The following VAV1 variants were observed in gnomAD, a reference collection of about 807,000 sequenced individuals.
VAV1 encodes vav guanine nucleotide exchange factor 1, also known as proto-oncogene vav.
Under a neutral mutation model 128.1 loss-of-function variants are expected in VAV1, and 33 were observed. The ratio of observed to expected loss-of-function variants is 0.26; its 90% confidence interval spans 0.20 to 0.34. VAV1 has a LOEUF of 0.34. Among genes scored for constraint, VAV1 ranks in the 10% least tolerant of loss-of-function variants. The pLI is 1.00. For synonymous variants in VAV1, 394 were observed against 409.8 expected (o/e 0.96, Z 0.47); for missense variants, 715 against 1,093.7 (o/e 0.65, Z 4.88).
intron 1 of VAV1, among the ~76,000 whole-genome samples, chr19:6,799,148 T>C (rs1971206821): frequency 1.3e-5 from 2 of 152,026 alleles, no homozygotes; most frequent in African/African-American, 4.8e-5. Context: ...ATTCATCCCT[T>C]GATGGAGGTT....
chr19:6,852,715 C>T (rs1429731616), intron 24 of VAV1, among the ~76,000 whole-genome samples: 5 of 144,304 alleles, frequency 3.5e-5, no homozygotes, highest in South Asian at 2.1e-4. Flanking sequence ...AGCCAGACTC[C>T]GTCTCAAAGA....
At position 6,782,766 on chromosome 19, in the gene VAV1, C is replaced by T. The variant is rs111606518; in HGVS notation, c.204+9755C>T. Reference sequence around the variant, plus strand: ...GCATGGTGGTGTGTGCCTATGGTCCCGGCTACCTAGGACGCTGAGGCAGGA... The same window carrying T: ...GCATGGTGGTGTGTGCCTATGGTCCTGGCTACCTAGGACGCTGAGGCAGGA... On this transcript the variant is annotated intron_variant, in intron 1 of 26. Coordinates refer to ENST00000602142, the MANE Select transcript of VAV1 (RefSeq NM_005428.4). Among the ~76,000 whole-genome samples the T allele has an allele frequency of 2.5e-4, 38 of 152,022 alleles. 1 individual carries two copies. The highest frequency in any genetic ancestry group is 8.4e-4 in the African/African-American group (35 of 41,476).
At chr19:6,787,230 C>T (rs1422449571) in intron 1 of VAV1, among the ~76,000 whole-genome samples, 1 of 152,232 alleles carries the variant, frequency 6.6e-6, no homozygotes, top group African/African-American at 2.4e-5. Context: ...GGCTGGAGTG[C>T]AGTGGTGCGA....
chr19:6,838,892 C>CTTTATTTATTTA (rs147546726), intron 21 of VAV1, among the ~76,000 whole-genome samples: 12,937 of 150,032 alleles, frequency 0.086, 1,837 homozygotes, highest in African/African-American at 0.3. Context: ...TTATGCTCAG[C>CTTTATTTATTTA]TTTATTTATT....
rs76085415 is a variant in VAV1 at position 6,810,887 on chromosome 19, T to C, written c.205-9815T>C. On this transcript the variant is annotated intron_variant, in intron 1 of 26. Coordinates refer to ENST00000602142, the MANE Select transcript of VAV1 (RefSeq NM_005428.4). ...GGACCTGTTAAGTTTGAGGTGCCCA[T>C]TGTTGAAAGAATGAACCTGTTTCCC... 8.1e-4 allele frequency among the ~76,000 whole-genome samples: 123 copies of C among 152,222 alleles called. 2 individuals carry two copies. In the East Asian group the frequency reaches 0.023, roughly 28 times the overall value.
In VAV1 at chr19:6,772,716, C is replaced by A; in HGVS notation, c.-92C>A. The A allele has an allele frequency of 7.3e-7, 1 of 1,366,314 alleles. No homozygotes were observed. Among genetic ancestry groups the A allele is most frequent in the Non-Finnish European group, 1.0e-6 (1 of 1,001,930 alleles). The allele number at this position is 1,366,314 out of a possible 1,614,324, so 84.6% of individuals were successfully genotyped here. A position where few individuals can be genotyped will look rare whatever the true frequency, so the allele number is the denominator to read the frequency against. On this transcript the variant is annotated 5_prime_UTR_variant, in exon 1 of 27. The change creates a new upstream start codon in the 5' untranslated region. Coordinates refer to ENST00000602142, the MANE Select transcript of VAV1 (RefSeq NM_005428.4). The surrounding 1 kb of genome is among the most constrained non-coding windows in gnomAD (Gnocchi z 4.8). The stretch of plus-strand genomic sequence containing the variant: ...AAAGAAGAGGAAGTGGTAGCACTAG[C>A]TGTCGCTCCACAGGCGAGCAGGGCA...
chr19:6,788,566 G>T (rs770576980), intron 1 of VAV1, among the ~76,000 whole-genome samples: 1 of 151,850 alleles, frequency 6.6e-6, no homozygotes, highest in Non-Finnish European at 1.5e-5. Context: ...TAGTAGAGAC[G>T]GGGTTTCACC....
chr19:6,793,434 G>T (rs72998343), intron 1 of VAV1, among the ~76,000 whole-genome samples: 2,910 of 152,220 alleles, frequency 0.019, 48 homozygotes, highest in Non-Finnish European at 0.029. Flanking sequence ...AATCCTGTTT[G>T]TTGGTAAAGG....
chr19:6,788,940 C>T (rs1452638486), intron 1 of VAV1, among the ~76,000 whole-genome samples: 1 of 152,206 alleles, frequency 6.6e-6, no homozygotes, highest in Non-Finnish European at 1.5e-5. Context: ...ATTCTCAGTC[C>T]TGTTGACATG....
chr19:6,793,333 C>CA (rs201027298), intron 1 of VAV1, among the ~76,000 whole-genome samples: 3,730 of 147,764 alleles, frequency 0.025, 50 homozygotes, highest in South Asian at 0.059. Flanking sequence ...GACTCCATCT[C>CA]AAAAAGAAAG....
intron 22 of VAV1, among the ~76,000 whole-genome samples, chr19:6,847,598 C>T (rs1300925638): frequency 6.6e-6 from 1 of 152,096 alleles, no homozygotes; most frequent in Non-Finnish European, 1.5e-5. Context: ...TTTTTTGGCT[C>T]TCACTTACAT....
chr19:6,825,630 T>C (rs1460313923), intron 8 of VAV1, among the ~76,000 whole-genome samples: 2 of 152,190 alleles, frequency 1.3e-5, no homozygotes, highest in Non-Finnish European at 2.9e-5. Flanking sequence ...TGTACATCAG[T>C]GGGCCACAGG....
chr19:6,818,194 A>G (rs763341409), intron 1 of VAV1, among the ~76,000 whole-genome samples: 4 of 152,132 alleles, frequency 2.6e-5, no homozygotes, highest in Non-Finnish European at 5.9e-5. Context: ...GCTCAAGTCA[A>G]CCTGGGAGTG....
chr19:6,786,866 T>C (rs1245198914), intron 1 of VAV1, among the ~76,000 whole-genome samples: 1 of 152,176 alleles, frequency 6.6e-6, no homozygotes, highest in Non-Finnish European at 1.5e-5. Flanking sequence ...TTTTATATTT[T>C]ATTATTATTA....
In VAV1 at chr19:6,838,600, C is replaced by A. The variant is rs114853123; in HGVS notation, c.1980+1550C>A. Among the ~76,000 whole-genome samples, 199 of 152,204 alleles carry A rather than the reference C, an allele frequency of 1.3e-3. 1 individual carries two copies. The highest frequency in any genetic ancestry group is 4.4e-3 in the African/African-American group (181 of 41,528). On this transcript the variant is annotated intron_variant, in intron 21 of 26. Transcript: ENST00000602142. ...CTAACCATCTATCATCTGTCTATTA[C>A]CTATTTATTATCATTTCTCTCTCAT...
intron 1 of VAV1, among the ~76,000 whole-genome samples, chr19:6,796,989 G>C (rs1437899212): frequency 6.6e-6 from 1 of 152,112 alleles, no homozygotes; most frequent in African/African-American, 2.4e-5. Flanking sequence ...TGTAATTCCA[G>C]CACTTTGGGA....
At chr19:6,779,935 C>T (rs914006495) in intron 1 of VAV1, among the ~76,000 whole-genome samples, 1 of 149,058 alleles carries the variant, frequency 6.7e-6, no homozygotes, top group African/African-American at 2.4e-5. Context: ...CACGGTGAAA[C>T]CCCGTCTCTA....
chr19:6,816,659 C>T (rs754356904), intron 1 of VAV1, among the ~76,000 whole-genome samples: 1 of 151,966 alleles, frequency 6.6e-6, no homozygotes, highest in African/African-American at 2.4e-5. Flanking sequence ...TCTAAGCCTG[C>T]TTTCTTGTAG....
At position 6,779,348 on chromosome 19, in the gene VAV1, C is replaced by T. The variant is rs565577560; in HGVS notation, c.204+6337C>T. Among the ~76,000 whole-genome samples the T allele has an allele frequency of 2.6e-4, 39 of 150,808 alleles. 2 individuals are homozygous for T. The highest frequency in any genetic ancestry group is 8.2e-4 in the African/African-American group (34 of 41,450). On this transcript the variant is annotated intron_variant, in intron 1 of 26. Coordinates refer to ENST00000602142, the MANE Select transcript of VAV1 (RefSeq NM_005428.4). Reference sequence around the variant, plus strand: ...GATTACAGGCATGAGCCACTGCACCCGGCCAGAATAGAGGTTCTTATCTCC... The same window carrying T: ...GATTACAGGCATGAGCCACTGCACCTGGCCAGAATAGAGGTTCTTATCTCC...
Sources: allele counts gnomAD v4.1 joint callset (sites outside exome capture counted in the v4.1 genomes callset), GRCh38; gene constraint gnomAD v4.1.1; non-coding constraint Gnocchi (gnomAD v3.1); transcripts MANE v1.5; gene names NCBI Gene and HGNC (gene_info 2026-07-23, HGNC 2026-07-21).